The following TOX4 variants were observed in gnomAD, a reference collection of about 807,000 sequenced individuals.
The protein encoded by TOX4 is epidermal Langerhans cell protein LCP1.
TOX4 carries 12 observed loss-of-function variants against 61.0 expected under a neutral mutation model. The ratio of observed to expected loss-of-function variants is 0.20; its 90% confidence interval spans 0.13 to 0.32. The LOEUF (loss-of-function observed/expected upper bound fraction) is 0.32. TOX4 is among the 10% of genes least tolerant of loss of function. The pLI is 1.00. For missense variants in TOX4, 499 were observed against 753.3 expected, an observed-to-expected ratio of 0.66 and a Z score of 3.95; for synonymous variants, 268 against 274.8, an observed-to-expected ratio of 0.98 and a Z score of 0.24.
chr14:21,478,230 G>A (rs1317788068), intron 2 of TOX4, among the ~76,000 whole-genome samples: 1 of 152,202 alleles, frequency 6.6e-6, no homozygotes, highest in African/African-American at 2.4e-5. Context: ...GAGCCATTGC[G>A]CCCGGCCTAA....
At chr14:21,496,309 C>T (rs1227287423) in intron 8 of TOX4, 16 of 322,314 alleles carry the variant, frequency 5.0e-5, no homozygotes, top group East Asian at 1.3e-4. Flanking sequence ...GGGCGATTCA[C>T]GGGGTCAGGA....
rs750334230 is a variant in TOX4 at position 21,477,258 on chromosome 14, G to A, written c.-21G>A. On this transcript the variant is annotated 5_prime_UTR_variant, in exon 1 of 9. Transcript: ENST00000448790. ...GGTGGGAGCGATGAGGGTCTGAGAC[G>A]GTGGGAGCGGTTGTGTGAAGATGGA... 1.2e-6 allele frequency: 2 copies of A among 1,614,056 alleles called. No individual in the cohort carries two copies. The highest frequency in any genetic ancestry group is 8.5e-7 in the Non-Finnish European group (1 of 1,179,998).
rs1200161714 is a variant in TOX4 at position 21,496,880 on chromosome 14, T to C, written c.*274T>C. Reference sequence around the variant, plus strand: ...CTGGGCAAGCAAAGCATAGAGATGGTGGGGTGGTGGTGGGGTTGAAGAAAC... The same window carrying C: ...CTGGGCAAGCAAAGCATAGAGATGGCGGGGTGGTGGTGGGGTTGAAGAAAC... On this transcript the variant is annotated 3_prime_UTR_variant, in exon 9 of 9. Transcript: ENST00000448790. The C allele has an allele frequency of 2.0e-5, 7 of 358,340 alleles. No homozygotes were observed. Among genetic ancestry groups the C allele is most frequent in the African/African-American group, 6.3e-5 (3 of 47,918 alleles). The allele number at this position is 358,340 out of a possible 1,614,324, so 22.2% of individuals were successfully genotyped here.
At chr14:21,488,121 A>G (rs115394660) in intron 3 of TOX4, 2,424 of 173,282 alleles carry the variant, frequency 0.014, 56 homozygotes, top group African/African-American at 0.054. Flanking sequence ...AGTATGTAAT[A>G]TAAATCAGTA....
chr14:21,493,387 TG>T, intron 7 of TOX4, 130 bp downstream of exon 7: 1 of 948,764 alleles, frequency 1.1e-6, no homozygotes, highest in Non-Finnish European at 1.5e-6. Flanking sequence ...ATCCTGCAGA[TG>T]GGAGTTCCTT....
intron 8 of TOX4, 103 bp from the exon 9 acceptor site, chr14:21,496,443 C>T (rs548483234): frequency 8.5e-5 from 85 of 997,560 alleles, no homozygotes; most frequent in African/African-American, 5.7e-4. Context: ...AGGAGAATGG[C>T]GTGAACCCAT....
At chr14:21,486,593 A>G (rs1159673023) in intron 2 of TOX4, among the ~76,000 whole-genome samples, 3 of 152,154 alleles carry the variant, frequency 2.0e-5, no homozygotes, top group Admixed American at 6.6e-5. Context: ...ATAAATGTCT[A>G]TTGCTGTAAA....
intron 2 of TOX4, 93 bp downstream of exon 2, chr14:21,477,657 G>A: frequency 6.9e-7 from 1 of 1,440,894 alleles, no homozygotes. Flanking sequence ...GGGGACGGGG[G>A]CTGGGAACCA....
chr14:21,481,088 C>G (rs1160828426), intron 2 of TOX4, among the ~76,000 whole-genome samples: 1 of 152,028 alleles, frequency 6.6e-6, no homozygotes, highest in Non-Finnish European at 1.5e-5. Context: ...GAAACTCCGT[C>G]TCAAAAAAAT....
intron 5 of TOX4, 99 bp downstream of exon 5, chr14:21,489,502 C>T: frequency 9.7e-7 from 1 of 1,034,770 alleles, no homozygotes; most frequent in Non-Finnish European, 1.4e-6. Flanking sequence ...TATCTAATAT[C>T]AGCTGTTTGT....
intron 2 of TOX4, among the ~76,000 whole-genome samples, chr14:21,481,717 G>C (rs1021248978): frequency 6.6e-6 from 1 of 152,072 alleles, no homozygotes; most frequent in Admixed American, 6.6e-5. Context: ...AAAAAATGGT[G>C]TATTTGTGAA....
At chr14:21,482,524 T>TC (rs1212864037) in intron 2 of TOX4, 1 of 455,730 alleles carries the variant, frequency 2.2e-6, no homozygotes, top group Non-Finnish European at 4.5e-6. Flanking sequence ...TAAGCATCTT[T>TC]GCTTATAAAC....
At position 21,492,619 on chromosome 14, in the gene TOX4, C is replaced by T; in HGVS notation, c.1003C>T (p.Pro335Ser). Residue 335 changes from proline (P) to serine (S), a missense_variant, in exon 7 of 9, where the codon CCT (proline) becomes TCT (serine). Transcript: ENST00000448790. ...TCCAGCACCAGCTTCAATAGAGCCC[C>T]CTGCCCTGTCCCCATCCATTGTTGT... The part of the protein sequence containing the change: ...ASPAPASIEP[P>S]ALSPSIVVNS... 2.5e-6 allele frequency: 4 copies of T among 1,613,718 alleles called. No homozygotes were observed. The highest frequency in any genetic ancestry group is 1.7e-4 in the Middle Eastern group (1 of 5,978).
Position 21,498,600 on chromosome 14 carries a change from C to A in TOX4, c.*1994C>A. The A allele has an allele frequency of 1.8e-6, 1 of 555,854 alleles. No homozygotes were observed. The allele number at this position is 555,854 out of a possible 1,614,324, so 34.4% of individuals were successfully genotyped here. ...ATTATCTGAGGGTTAGTAACTAATG[C>A]TTAGCCAGGCCTGCTTCACAGAGTT... On this transcript the variant is annotated 3_prime_UTR_variant, in exon 9 of 9. Coordinates refer to ENST00000448790, the MANE Select transcript of TOX4 (RefSeq NM_014828.4).
At position 21,484,581 on chromosome 14, in the gene TOX4, C is replaced by A. The variant is rs753423918; in HGVS notation, c.76-2870C>A. On this transcript the variant is annotated intron_variant, in intron 2 of 8. Coordinates refer to ENST00000448790, the MANE Select transcript of TOX4 (RefSeq NM_014828.4). ...GCCAGGCTGGTCTCGAACTCTTGACCTCAGGTGGTCCACCCACCTCGGCCT... is the reference window on the plus strand; with the variant it reads ...GCCAGGCTGGTCTCGAACTCTTGACATCAGGTGGTCCACCCACCTCGGCCT... Among the ~76,000 whole-genome samples, 2 of 103,368 alleles carry A rather than the reference C, an allele frequency of 1.9e-5. 1 individual carries two copies. The highest frequency in any genetic ancestry group is 4.2e-5 in the Non-Finnish European group (2 of 47,294). The allele number at this position is 103,368 out of a possible 152,430, so 67.8% of individuals were successfully genotyped here.
chr14:21,488,289 CA>C (rs1438450019), intron 3 of TOX4: 1 of 274,794 alleles, frequency 3.6e-6, no homozygotes, highest in Non-Finnish European at 6.9e-6. Context: ...TTTCTTTACT[CA>C]ATGTGTTGTC....
chr14:21,478,293 C>T (rs1004136284), intron 2 of TOX4, among the ~76,000 whole-genome samples: 19 of 152,304 alleles, frequency 1.2e-4, no homozygotes, highest in South Asian at 4.1e-4. Flanking sequence ...ATGGTGTCAG[C>T]TTGTTTTGCT....
At chr14:21,486,936 AG>A (rs1891199938) in intron 2 of TOX4, among the ~76,000 whole-genome samples, 1 of 152,228 alleles carries the variant, frequency 6.6e-6, no homozygotes, top group South Asian at 2.1e-4. Flanking sequence ...AATATTTTAG[AG>A]GGGGTAAAGT....
At chr14:21,482,531 A>G in intron 2 of TOX4, 1 of 461,252 alleles carries the variant, frequency 2.2e-6, no homozygotes. Context: ...CTTTGCTTAT[A>G]AACTGTAATT....
Sources: allele counts gnomAD v4.1 joint callset (sites outside exome capture counted in the v4.1 genomes callset), GRCh38; gene constraint gnomAD v4.1.1; transcripts MANE v1.5; gene names NCBI Gene and HGNC (gene_info 2026-07-23, HGNC 2026-07-21).